The following ZNF90 variants were observed in gnomAD, a reference collection of about 807,000 sequenced individuals.
ZNF90 encodes the protein zinc finger protein HTF9.
A neutral mutation model predicts 12.0 loss-of-function variants in ZNF90; 11 were observed. The observed-to-expected ratio is 0.92, with a 90% confidence interval of 0.58 to 1.52. The LOEUF is 1.52. ZNF90 is among the 40% of genes most tolerant of loss of function. The probability of loss-of-function intolerance (pLI) is 0.00; values close to 1 mark genes in which losing one functional copy is unlikely to be tolerated. For missense variants in ZNF90, 765 were observed against 711.5 expected (o/e 1.08, Z -0.86); for synonymous variants, 232 against 240.1 (o/e 0.97, Z 0.31).
rs2089186586 is a variant in ZNF90 at position 20,120,556 on chromosome 19, G to T, written c.*1196G>T. ...ACTACAGCTTAGAAAACACCAGAGA[G>T]TTGATACTAAAATATATGTTTGCAG... On this transcript the variant is annotated 3_prime_UTR_variant, in exon 4 of 4. Coordinates refer to ENST00000418063, the MANE Select transcript of ZNF90 (RefSeq NM_007138.2). Among the ~76,000 whole-genome samples the T allele has an allele frequency of 6.6e-6, 1 of 151,932 alleles. No individual in the cohort carries two copies. Among genetic ancestry groups the T allele is most frequent in the African/African-American group, 2.4e-5 (1 of 41,376 alleles).
intron 1 of ZNF90, among the ~76,000 whole-genome samples, chr19:20,093,297 G>A (rs892842307): frequency 3.3e-5 from 5 of 152,230 alleles, no homozygotes; most frequent in Admixed American, 3.3e-4. Flanking sequence ...GGTTTTAGAA[G>A]CCCATGCTGT....
chr19:20,089,381 C>T lies in ZNF90; in HGVS notation c.3+11246C>T, dbSNP rs116990337. Among the ~76,000 whole-genome samples, 855 of 152,048 alleles carry T rather than the reference C, an allele frequency of 5.6e-3. 29 individuals carry two copies. Among genetic ancestry groups the T allele is most frequent in the Admixed American group, 0.046 (700 of 15,274 alleles). On this transcript the variant is annotated intron_variant, in intron 1 of 3. Coordinates refer to ENST00000418063, the MANE Select transcript of ZNF90 (RefSeq NM_007138.2). ...GTGTCTTCCTAAGCAATAATTGCTG[C>T]GAATTTTTTTAAGTTTGCCTGTATT...
intron 1 of ZNF90, among the ~76,000 whole-genome samples, chr19:20,097,750 C>G (rs2122497099): frequency 6.6e-6 from 1 of 152,268 alleles, no homozygotes; most frequent in African/African-American, 2.4e-5. Context: ...AGTGCAAGTA[C>G]TTTTTCTCCC....
In ZNF90 at chr19:20,079,281, C is replaced by CAT. The variant is rs201687724; in HGVS notation, c.3+1146_3+1147insAT. Among the ~76,000 whole-genome samples, 1,290 of 149,936 alleles carry CAT rather than the reference C, an allele frequency of 8.6e-3. 26 individuals are homozygous for CAT. Among genetic ancestry groups the CAT allele is most frequent in the African/African-American group, 0.03 (1,207 of 40,654 alleles). Reference sequence around the variant, plus strand: ...TGAACCTAGTGATTCCGAGCTAAGGCTAATATTAAGCCTGCAAAAGGAGGG... The same window carrying CAT: ...TGAACCTAGTGATTCCGAGCTAAGGCATTAATATTAAGCCTGCAAAAGGAGGG... On this transcript the variant is annotated intron_variant, in intron 1 of 3. Transcript: ENST00000418063.
chr19:20,119,803 C>A lies in ZNF90; in HGVS notation c.*443C>A. ...AGAGACAGGGTTTTGCCATATTTAA[C>A]AGGCTGGTCTCCAACTGTGATTCAC... On this transcript the variant is annotated 3_prime_UTR_variant, in exon 4 of 4. Transcript: ENST00000418063. The A allele has an allele frequency of 6.2e-6, 1 of 161,768 alleles. No individual in the cohort carries two copies. Among genetic ancestry groups the A allele is most frequent in the East Asian group, 1.8e-4 (1 of 5,442 alleles). 10.0% of individuals were successfully genotyped at this position (161,768 alleles called of 1,614,324 possible). A position where few individuals can be genotyped will look rare whatever the true frequency, so the allele number is the denominator to read the frequency against.
At chr19:20,108,831 ATTC>A (rs2089062006) in intron 3 of ZNF90, among the ~76,000 whole-genome samples, 1 of 141,944 alleles carries the variant, frequency 7.0e-6, no homozygotes, top group East Asian at 2.2e-4. Context: ...AGTTCATGCC[ATTC>A]TTCTGCATCA....
chr19:20,117,099 C>A (rs1255947644), intron 3 of ZNF90, among the ~76,000 whole-genome samples: 3 of 151,034 alleles, frequency 2.0e-5, no homozygotes, highest in African/African-American at 4.9e-5. Context: ...CTGAAGTGCA[C>A]TGGCATGATC....
chr19:20,113,204 T>C (rs782528982), intron 3 of ZNF90, among the ~76,000 whole-genome samples: 1 of 152,056 alleles, frequency 6.6e-6, no homozygotes, highest in Non-Finnish European at 1.5e-5. Context: ...TTTTTCTCCT[T>C]TGAGAGGGAG....
chr19:20,114,287 A>G (rs2089117309), intron 3 of ZNF90, among the ~76,000 whole-genome samples: 1 of 152,200 alleles, frequency 6.6e-6, no homozygotes, highest in Non-Finnish European at 1.5e-5. Context: ...TGAGAAGTAT[A>G]TATTTCTAAA....
intron 1 of ZNF90, among the ~76,000 whole-genome samples, chr19:20,081,911 C>T (rs1327097050): frequency 6.6e-6 from 1 of 151,896 alleles, no homozygotes. Flanking sequence ...ACTACAGGCA[C>T]GTGCCACTAC....
chr19:20,105,701 G>A (rs996187028), intron 3 of ZNF90, among the ~76,000 whole-genome samples: 1 of 151,986 alleles, frequency 6.6e-6, no homozygotes, highest in African/African-American at 2.4e-5. Context: ...AATGTGTGAG[G>A]GCAGTAGTAT....
chr19:20,102,454 C>A (rs1412441094), intron 1 of ZNF90, among the ~76,000 whole-genome samples: 2 of 152,188 alleles, frequency 1.3e-5, no homozygotes, highest in Non-Finnish European at 2.9e-5. Flanking sequence ...AGCAGAAAGA[C>A]ACAGCAATAG....
chr19:20,085,273 T>TTTTTTCTTTTTTTTTTTTA (rs1205259838), intron 1 of ZNF90, among the ~76,000 whole-genome samples: 3 of 148,650 alleles, frequency 2.0e-5, no homozygotes, highest in African/African-American at 7.6e-5. Context: ...TTGGTCTTTT[T>TTTTTTCTTTTTTTTTTTTA]TTTTTAGACG....
At chr19:20,087,871 T>C (rs8102411) in intron 1 of ZNF90, among the ~76,000 whole-genome samples, 12,326 of 152,018 alleles carry the variant, frequency 0.081, 836 homozygotes, top group East Asian at 0.23. Flanking sequence ...TGTTCTCTGG[T>C]GGACAGGAAT....
intron 1 of ZNF90, among the ~76,000 whole-genome samples, chr19:20,097,147 CACTT>C (rs2088954963): frequency 6.6e-6 from 1 of 152,184 alleles, no homozygotes; most frequent in East Asian, 1.9e-4. Context: ...ATGCATGTCA[CACTT>C]AATTGTGTAA....
chr19:20,117,411 CCTTCCTTCCTTT>C (rs1377249651), intron 3 of ZNF90, among the ~76,000 whole-genome samples: 2 of 146,286 alleles, frequency 1.4e-5, no homozygotes, highest in African/African-American at 2.7e-5. Flanking sequence ...TTCCTTCCTT[CCTTCCTTCCTTT>C]CTTCCTTCCC....
rs1555706405 is a variant in ZNF90 at position 20,120,032 on chromosome 19, A to AAATTT, written c.*672_*673insAATTT. ...ACTAGTGTGAAACCCTAGAAATAAT[A>AAATTT]GAAAATTTGACAAATCCTTTATATG... On this transcript the variant is annotated 3_prime_UTR_variant, in exon 4 of 4. Transcript: ENST00000418063. Among the ~76,000 whole-genome samples, 22 of 152,246 alleles carry AAATTT rather than the reference A, an allele frequency of 1.4e-4. No homozygotes were observed. The highest frequency in any genetic ancestry group is 8.8e-5 in the Non-Finnish European group (6 of 68,036).
At chr19:20,085,543 A>G (rs1482632231) in intron 1 of ZNF90, among the ~76,000 whole-genome samples, 1 of 150,446 alleles carries the variant, frequency 6.6e-6, no homozygotes, top group African/African-American at 2.5e-5. Context: ...TACAGGCTTG[A>G]GCCACCGCGC....
chr19:20,078,204 G>C, intron 1 of ZNF90, 69 bp downstream of exon 1: 1 of 1,602,512 alleles, frequency 6.2e-7, no homozygotes, highest in Non-Finnish European at 8.5e-7. Context: ...AGTGGCTGTG[G>C]CGGGACTTAG....
Sources: gnomAD v4.1 joint callset for allele counts (sites outside exome capture counted in the v4.1 genomes callset) on GRCh38, gnomAD v4.1.1 for gene constraint, MANE v1.5 for transcripts, NCBI Gene and HGNC (gene_info 2026-07-23, HGNC 2026-07-21) for gene names.